Variants in MBNL1 observed in about 807,000 individuals in gnomAD.
MBNL1 encodes the protein muscleblind like splicing regulator 1.
A neutral mutation model predicts 42.2 loss-of-function variants in MBNL1; 8 were observed. The ratio of observed to expected loss-of-function variants is 0.19; its 90% CI spans 0.11 to 0.34. The LOEUF is 0.34. Among genes scored for constraint, MBNL1 ranks in the 10% least tolerant of loss-of-function variants. MBNL1 has a pLI of 1.00. For missense variants in MBNL1, 309 were observed against 495.3 expected, an observed-to-expected ratio of 0.62 and a Z score of 3.57; for synonymous variants, 169 against 173.9, an observed-to-expected ratio of 0.97 and a Z score of 0.22.
At chr3:152,408,757 T>A (rs1352091299) in intron 2 of MBNL1, among the ~76,000 whole-genome samples, 1 of 151,924 alleles carries the variant, frequency 6.6e-6, no homozygotes, top group East Asian at 1.9e-4. Flanking sequence ...GGTGATGCTG[T>A]CCTCCCTCCT....
At position 152,312,731 on chromosome 3, in the gene MBNL1, CTTTCA is replaced by C. The variant is rs938604923; in HGVS notation, c.174+12374_174+12378del. Among the ~76,000 whole-genome samples the C allele has an allele frequency of 1.2e-4, 18 of 152,114 alleles. No homozygotes were observed. In the East Asian group the frequency reaches 2.1e-3, roughly 18 times the overall value. On this transcript the variant is annotated intron_variant, in intron 2 of 9. Coordinates refer to ENST00000324210, the MANE Select transcript of MBNL1 (RefSeq NM_021038.5). Reference sequence around the variant, plus strand: ...GGAAAAGTGACTGGTGTTCCTTGTCCTTTCATTTCATTTCTCTGGACGCTTTCTTC... The same window carrying C: ...GGAAAAGTGACTGGTGTTCCTTGTCCTTTCATTTCTCTGGACGCTTTCTTC...
intron 2 of MBNL1, among the ~76,000 whole-genome samples, chr3:152,341,218 T>C (rs907413092): frequency 6.6e-6 from 1 of 152,220 alleles, no homozygotes; most frequent in Non-Finnish European, 1.5e-5. Context: ...TTTTTTAAAA[T>C]GTGTGGCACA....
At chr3:152,295,699 A>G (rs1288609413) in intron 1 of MBNL1, among the ~76,000 whole-genome samples, 1 of 152,194 alleles carries the variant, frequency 6.6e-6, no homozygotes, top group Non-Finnish European at 1.5e-5. Context: ...CCAGTCCTAT[A>G]GAGAAGGTGA....
intron 3 of MBNL1, among the ~76,000 whole-genome samples, chr3:152,431,021 T>C (rs1028850058): frequency 1.3e-5 from 2 of 152,268 alleles, no homozygotes; most frequent in Non-Finnish European, 2.9e-5. Context: ...TATTACATAT[T>C]CTGTTTTTTC....
chr3:152,328,302 T>C (rs1028496500), intron 2 of MBNL1, among the ~76,000 whole-genome samples: 1 of 152,154 alleles, frequency 6.6e-6, no homozygotes. Flanking sequence ...AAATATGATA[T>C]AATATTGAAT....
intron 2 of MBNL1, among the ~76,000 whole-genome samples, chr3:152,325,394 A>T (rs900468373): frequency 2.0e-5 from 3 of 152,038 alleles, no homozygotes; most frequent in African/African-American, 7.2e-5. Context: ...AATGCCTGAC[A>T]CGTAGTAGAC....
At chr3:152,399,305 C>T (rs1487622641) in intron 2 of MBNL1, among the ~76,000 whole-genome samples, 2 of 152,148 alleles carry the variant, frequency 1.3e-5, no homozygotes, top group East Asian at 1.9e-4. Flanking sequence ...TTCCCTCCCC[C>T]TGCTCCTATT....
At chr3:152,343,397 G>A (rs571041690) in intron 2 of MBNL1, among the ~76,000 whole-genome samples, 7 of 152,072 alleles carry the variant, frequency 4.6e-5, no homozygotes, top group Non-Finnish European at 2.9e-5. Flanking sequence ...TTGAATTCTT[G>A]GAGCTCAAGT....
chr3:152,314,376 CTTT>C (rs766855642), intron 2 of MBNL1, among the ~76,000 whole-genome samples: 3 of 138,732 alleles, frequency 2.2e-5, no homozygotes, highest in Non-Finnish European at 3.2e-5. Flanking sequence ...TGCTCCAAGA[CTTT>C]TTTTTTTTTT....
At chr3:152,340,454 A>T (rs1049925908) in intron 2 of MBNL1, 7 of 1,496,638 alleles carry the variant, frequency 4.7e-6, no homozygotes, top group Non-Finnish European at 6.3e-6. Context: ...TTTTTTAAGT[A>T]AAATATCAGA....
At chr3:152,441,262 T>C (rs925863399) in intron 4 of MBNL1, among the ~76,000 whole-genome samples, 16 of 151,996 alleles carry the variant, frequency 1.1e-4, no homozygotes, top group African/African-American at 3.6e-4. Context: ...ATACTACTTA[T>C]AAAACTTACG....
upstream of MBNL1, chr3:152,266,592 A>G (rs373317795): frequency 1.6e-4 from 25 of 152,362 alleles, no homozygotes; most frequent in African/African-American, 5.5e-4. Flanking sequence ...GTTCGCAGGC[A>G]TTCTAAGCAG....
At chr3:152,407,069 G>T (rs1471264786) in intron 2 of MBNL1, among the ~76,000 whole-genome samples, 1 of 151,656 alleles carries the variant, frequency 6.6e-6, no homozygotes, top group Non-Finnish European at 1.5e-5. Flanking sequence ...GTGTGTGTGT[G>T]TGTTTGTGTG....
chr3:152,388,579 AC>A (rs2097545424), intron 2 of MBNL1, among the ~76,000 whole-genome samples: 1 of 152,132 alleles, frequency 6.6e-6, no homozygotes, highest in Non-Finnish European at 1.5e-5. Flanking sequence ...CCCAGCTCTT[AC>A]CTTTACCTAC....
At chr3:152,333,042 A>G (rs1473250339) in intron 2 of MBNL1, among the ~76,000 whole-genome samples, 3 of 152,094 alleles carry the variant, frequency 2.0e-5, no homozygotes, top group South Asian at 2.1e-4. Context: ...CACCTTACAG[A>G]TGATCGCTGG....
At chr3:152,409,071 G>A (rs955024940) in intron 2 of MBNL1, among the ~76,000 whole-genome samples, 1 of 152,150 alleles carries the variant, frequency 6.6e-6, no homozygotes, top group African/African-American at 2.4e-5. Context: ...GTTAGATGCA[G>A]TTATTTTCAG....
At chr3:152,398,331 A>G (rs2098073701) in intron 2 of MBNL1, among the ~76,000 whole-genome samples, 1 of 152,106 alleles carries the variant, frequency 6.6e-6, no homozygotes, top group African/African-American at 2.4e-5. Flanking sequence ...ATATATTAGT[A>G]TAGCACAGTT....
At chr3:152,320,683 CTTTTTTTTT>C (rs528500683) in intron 2 of MBNL1, among the ~76,000 whole-genome samples, 1 of 129,074 alleles carries the variant, frequency 7.7e-6, no homozygotes, top group Non-Finnish European at 1.7e-5. Context: ...TTTTTTCTTT[CTTTTTTTTT>C]TTTTTTAATC....
rs958912903 is a variant in MBNL1, at chr3:152,462,528, G to GACA, written c.*166_*168dup. The GACA allele has an allele frequency of 1.1e-4, 17 of 152,130 alleles. No individual in the cohort carries two copies. Among genetic ancestry groups the GACA allele is most frequent in the African/African-American group, 4.1e-4 (17 of 41,432 alleles). The allele number at this position is 152,130 out of a possible 1,614,324, so 9.4% of individuals were successfully genotyped here. ...ATATTGCATGTTAACCAGAAGAAAA[G>GACA]ACAACATTTTCCGGAAATCCACTGC... On this transcript the variant is annotated 3_prime_UTR_variant, in exon 10 of 10. Transcript: ENST00000324210.
Sources: allele counts gnomAD v4.1 joint callset (sites outside exome capture counted in the v4.1 genomes callset), GRCh38; gene constraint gnomAD v4.1.1; transcripts MANE v1.5; gene names NCBI Gene and HGNC (gene_info 2026-07-23, HGNC 2026-07-21).